The following SNX31 variants were observed in gnomAD, a reference collection of about 807,000 sequenced individuals.
SNX31 encodes the protein sorting nexin-31.
Under a neutral mutation model 65.4 loss-of-function variants are expected in SNX31, and 58 were observed. That is an observed-to-expected ratio of 0.89 (90% CI 0.72 to 1.10). The LOEUF is 1.10. SNX31 is among the 50% of genes least tolerant of loss of function. The probability of loss-of-function intolerance (pLI) is 0.00; values close to 1 mark genes in which losing one functional copy is unlikely to be tolerated. For missense variants in SNX31, 523 were observed against 529.7 expected, an observed-to-expected ratio of 0.99 and a Z score of 0.12; for synonymous variants, 181 against 190.1, an observed-to-expected ratio of 0.95 and a Z score of 0.39.
chr8:100,650,861 T>TTG (rs1554590100), upstream of SNX31, among the ~76,000 whole-genome samples: 203 of 132,300 alleles, frequency 1.5e-3, no homozygotes, highest in African/African-American at 5.0e-3. Flanking sequence ...TTTTTTTTTT[T>TTG]TTTGTTTTGA....
At chr8:100,621,603 C>T (rs1426965822) in intron 4 of SNX31, among the ~76,000 whole-genome samples, 2 of 152,250 alleles carry the variant, frequency 1.3e-5, no homozygotes, top group African/African-American at 4.8e-5. Flanking sequence ...AGACTCCCCA[C>T]TTCAATGGGC....
chr8:100,610,171 G>A lies in SNX31; in HGVS notation c.612-1608C>T, dbSNP rs1177371515. On this transcript the variant is annotated intron_variant, in intron 7 of 13. Transcript: ENST00000311812. The surrounding 1 kb of genome is among the most constrained non-coding windows in gnomAD (Gnocchi z 4.0). The stretch of plus-strand genomic sequence containing the variant: ...ACAGAGGCAATCTGCCTAGATCTGA[G>A]ATGCTGGCTAATAATTTGGGGTAGA... Among the ~76,000 whole-genome samples the A allele has an allele frequency of 6.6e-6, 1 of 152,230 alleles. No homozygotes were observed. The highest frequency in any genetic ancestry group is 6.5e-5 in the Admixed American group (1 of 15,284).
In SNX31 at chr8:100,576,990, G is replaced by A. The variant is rs202020006; in HGVS notation, c.1227+29C>T. 3.1e-4 allele frequency: 485 copies of A among 1,553,896 alleles called. No individual in the cohort carries two copies. Among genetic ancestry groups the A allele is most frequent in the Non-Finnish European group, 4.0e-4 (453 of 1,128,594 alleles). ...AGATCAGATTTATCAAAATTATAATGTACCAATTACATAATTTTACTCACA... is the reference window on the plus strand; with the variant it reads ...AGATCAGATTTATCAAAATTATAATATACCAATTACATAATTTTACTCACA... On this transcript the variant is annotated intron_variant, in intron 13 of 13. Transcript: ENST00000311812. This position sits in a 1 kb window ranked among gnomAD's most constrained non-coding sequence, Gnocchi z 4.8.
chr8:100,584,070 G>A (rs774059305), intron 12 of SNX31, 41 bp downstream of exon 12: 4 of 1,570,584 alleles, frequency 2.5e-6, no homozygotes, highest in Non-Finnish European at 3.5e-6. Context: ...GCTGATAGTG[G>A]GAACGTAAAG....
In SNX31 at chr8:100,584,194, A is replaced by T. The variant is rs767158251; in HGVS notation, c.1093-6T>A. The T allele has an allele frequency of 1.3e-6, 2 of 1,591,224 alleles. No homozygotes were observed. Among genetic ancestry groups the T allele is most frequent in the Non-Finnish European group, 1.7e-6 (2 of 1,171,200 alleles). ...CAGCTACTCAGCAAAAAAGCCTAAG[A>T]AATGCAGGAATAAAGAACTCTTGTA... On this transcript the variant is annotated splice_region_variant and splice_polypyrimidine_tract_variant and intron_variant, in intron 11 of 13. Transcript: ENST00000311812.
intron 4 of SNX31, among the ~76,000 whole-genome samples, chr8:100,620,369 G>A (rs372294273): frequency 6.6e-5 from 10 of 152,110 alleles, no homozygotes; most frequent in African/African-American, 1.9e-4. Context: ...CACATTGCTC[G>A]GTGACCCCAA....
Position 100,630,424 on chromosome 8 carries a change from T to C in SNX31, c.257-33A>G, listed in dbSNP as rs768125516. ...ACATGGACGGTGAGCCAGGTTAGCA[T>C]GGGCTGGGCTGGGCCCTGCCTATTA... On this transcript the variant is annotated intron_variant, in intron 3 of 13. Coordinates refer to ENST00000311812, the MANE Select transcript of SNX31 (RefSeq NM_152628.4). This position sits in a 1 kb window ranked among gnomAD's most constrained non-coding sequence, Gnocchi z 5.3. 6.3e-7 allele frequency: 1 copy of C among 1,588,918 alleles called. No individual in the cohort carries two copies. Among genetic ancestry groups the C allele is most frequent in the Admixed American group, 1.8e-5 (1 of 56,050 alleles).
rs1048069646 is a variant in SNX31, at chr8:100,588,964, T to C, written c.994A>G (p.Thr332Ala). The C allele has an allele frequency of 6.2e-7, 1 of 1,613,390 alleles. No homozygotes were observed. The highest frequency in any genetic ancestry group is 1.3e-5 in the African/African-American group (1 of 74,902). ...QVTFLGTLLDTDGPQRTLNQN... is the reference protein window; with the variant it reads ...QVTFLGTLLDADGPQRTLNQN... ...TTGAGAGTTCTCTGGGGCCCATCCG[T>C]ATCCAGCAGAGTTCCCTACAAAGGA... Residue 332 changes from threonine to alanine, a missense_variant, in exon 11 of 14, where the codon ACG (threonine) becomes GCG (alanine). Thr to Ala is a moderately conservative substitution (Grantham distance 58). Coordinates refer to ENST00000311812, the MANE Select transcript of SNX31 (RefSeq NM_152628.4). The surrounding 1 kb of genome is among the most constrained non-coding windows in gnomAD (Gnocchi z 4.8).
chr8:100,626,471 G>C lies in SNX31; in HGVS notation c.321+3856C>G, dbSNP rs1378218423. Among the ~76,000 whole-genome samples the C allele has an allele frequency of 1.3e-5, 2 of 152,146 alleles. No homozygotes were observed. The highest frequency in any genetic ancestry group is 2.9e-5 in the Non-Finnish European group (2 of 68,040). On this transcript the variant is annotated intron_variant, in intron 4 of 13. Transcript: ENST00000311812. The surrounding 1 kb of genome is among the most constrained non-coding windows in gnomAD (Gnocchi z 4.4). Reference sequence around the variant, plus strand: ...GCTAGATCATGATATGAGGAGCTGGGGTTTAAAGCTTTGCTGCTAGACAGT... The same window carrying C: ...GCTAGATCATGATATGAGGAGCTGGCGTTTAAAGCTTTGCTGCTAGACAGT...
chr8:100,616,975 C>A (rs1817265376), intron 5 of SNX31, among the ~76,000 whole-genome samples: 1 of 152,106 alleles, frequency 6.6e-6, no homozygotes, highest in Non-Finnish European at 1.5e-5. Flanking sequence ...TGGGAGCTTG[C>A]CCCCAGGCAG....
intron 4 of SNX31, among the ~76,000 whole-genome samples, chr8:100,623,778 C>G (rs1817860668): frequency 6.6e-6 from 1 of 152,158 alleles, no homozygotes; most frequent in South Asian, 2.1e-4. Flanking sequence ...TCTACCGGCT[C>G]CTACTCACCA....
chr8:100,608,191 T>C (rs1468885432), intron 8 of SNX31, among the ~76,000 whole-genome samples: 3 of 152,340 alleles, frequency 2.0e-5, no homozygotes, highest in African/African-American at 7.2e-5. Flanking sequence ...ACTTGTCATT[T>C]TAACTATTCA....
rs1339738301 is a variant in SNX31 at position 100,578,327 on chromosome 8, A to G, written c.1171-1252T>C. ...GTACATAACTCAAGCAAGTTGCAGT[A>G]TTTATTTACCCTACAATTGTCAACG... On this transcript the variant is annotated intron_variant, in intron 12 of 13. Coordinates refer to ENST00000311812, the MANE Select transcript of SNX31 (RefSeq NM_152628.4). The surrounding 1 kb of genome is among the most constrained non-coding windows in gnomAD (Gnocchi z 4.7). 6.6e-6 allele frequency among the ~76,000 whole-genome samples: 1 copy of G among 152,174 alleles called. No individual in the cohort carries two copies. The highest frequency in any genetic ancestry group is 1.5e-5 in the Non-Finnish European group (1 of 68,020).
intron 10 of SNX31, among the ~76,000 whole-genome samples, chr8:100,592,321 C>T (rs896550865): frequency 6.6e-6 from 1 of 151,914 alleles, no homozygotes; most frequent in East Asian, 1.9e-4. Flanking sequence ...CAATGTTAGA[C>T]ATTACAGAAG....
At chr8:100,621,909 G>T (rs1234531810) in intron 4 of SNX31, among the ~76,000 whole-genome samples, 1 of 152,214 alleles carries the variant, frequency 6.6e-6, no homozygotes, top group East Asian at 1.9e-4. Flanking sequence ...CAGGGTCCTC[G>T]CCTTCAGCTG....
intron 10 of SNX31, among the ~76,000 whole-genome samples, 175 bp downstream of exon 10, chr8:100,596,464 C>G (rs933160790): frequency 2.0e-5 from 3 of 152,140 alleles, no homozygotes; most frequent in African/African-American, 7.2e-5. Context: ...GGGTGGGGAA[C>G]GTGCATCAGA....
chr8:100,652,578 A>G (rs1173756894), upstream of SNX31, among the ~76,000 whole-genome samples: 1 of 152,222 alleles, frequency 6.6e-6, no homozygotes, highest in Non-Finnish European at 1.5e-5. Flanking sequence ...ATAGTATTAC[A>G]GAACAAATGC....
chr8:100,659,582 T>A (rs577087280), intron 1 of SNX31, among the ~76,000 whole-genome samples: 1 of 152,058 alleles, frequency 6.6e-6, no homozygotes, highest in African/African-American at 2.4e-5. Context: ...TGAACAAAGG[T>A]AGCAACTCCA....
chr8:100,604,624 G>A lies in SNX31; in HGVS notation c.681+3870C>T, dbSNP rs779466827. On this transcript the variant is annotated intron_variant, in intron 8 of 13. Coordinates refer to ENST00000311812, the MANE Select transcript of SNX31 (RefSeq NM_152628.4). The surrounding 1 kb of genome is among the most constrained non-coding windows in gnomAD (Gnocchi z 4.3). ...CACTGTCCAGGCCAGCAATGGCCCC[G>A]CTGAAATGCAGGCCCAGAATTGACT... Among the ~76,000 whole-genome samples the A allele has an allele frequency of 1.3e-5, 2 of 152,252 alleles. No homozygotes were observed. The highest frequency in any genetic ancestry group is 2.9e-5 in the Non-Finnish European group (2 of 68,048).
Sources: gnomAD v4.1 joint callset for allele counts (sites outside exome capture counted in the v4.1 genomes callset) on GRCh38, gnomAD v4.1.1 for gene constraint, Gnocchi (gnomAD v3.1) non-coding constraint, MANE v1.5 for transcripts, NCBI Gene and HGNC (gene_info 2026-07-23, HGNC 2026-07-21) for gene names.